Variants in SSUH2 observed in about 807,000 individuals in gnomAD.
The protein encoded by SSUH2 is ssu-2 homolog.
In SSUH2, 47 loss-of-function variants were observed where a neutral mutation model predicts 55.3. The ratio of observed to expected loss-of-function variants is 0.85; its 90% CI spans 0.67 to 1.08. The LOEUF (loss-of-function observed/expected upper bound fraction) is 1.08. Ranked by LOEUF, SSUH2 falls within the 50% of genes least tolerant of loss-of-function variation. The pLI, the probability that SSUH2 is intolerant of heterozygous loss-of-function variation, is 0.00. For missense variants in SSUH2, 535 were observed against 490.7 expected, an observed-to-expected ratio of 1.09 and a Z score of -0.85; for synonymous variants, 212 against 191.5, an observed-to-expected ratio of 1.11 and a Z score of -0.89.
At chr3:8,645,306 G>A (rs1301743412), upstream of SSUH2, among the ~76,000 whole-genome samples, 1 of 152,224 alleles carries the variant, frequency 6.6e-6, no homozygotes, top group Non-Finnish European at 1.5e-5. Flanking sequence ...AAACAAAGCT[G>A]GGATTGTGAG....
intron 1 of SSUH2, among the ~76,000 whole-genome samples, chr3:8,681,100 C>CAT (rs1241407740): frequency 1.0e-5 from 1 of 97,118 alleles, no homozygotes; most frequent in Non-Finnish European, 2.5e-5. Context: ...GAGGCACCCC[C>CAT]GCGAGGCGGG....
chr3:8,652,311 A>G (rs762712865), intron 7 of SSUH2, among the ~76,000 whole-genome samples: 2 of 152,226 alleles, frequency 1.3e-5, no homozygotes, highest in African/African-American at 4.8e-5. Context: ...CTCTGTGATC[A>G]GGAGTAGCCT....
At chr3:8,681,161 AG>A (rs1435990859) in intron 1 of SSUH2, among the ~76,000 whole-genome samples, 22 of 119,690 alleles carry the variant, frequency 1.8e-4, no homozygotes, top group African/African-American at 5.9e-4. Flanking sequence ...CTTCCATAGC[AG>A]GGGGGGGAGT....
chr3:8,624,017 C>A (rs1697006877), intron 10 of SSUH2, among the ~76,000 whole-genome samples: 1 of 152,180 alleles, frequency 6.6e-6, no homozygotes, highest in South Asian at 2.1e-4. Context: ...TGTACACATT[C>A]AAACCGCCCT....
At chr3:8,649,097 G>A (rs907998097), upstream of SSUH2, among the ~76,000 whole-genome samples, 2 of 152,104 alleles carry the variant, frequency 1.3e-5, no homozygotes, top group Non-Finnish European at 2.9e-5. Flanking sequence ...TGACTGCAGC[G>A]CAACTCAACT....
upstream of SSUH2, among the ~76,000 whole-genome samples, chr3:8,647,284 C>A (rs547802586): frequency 2.0e-5 from 3 of 152,238 alleles, no homozygotes; most frequent in African/African-American, 4.8e-5. Context: ...CGCAGGCATG[C>A]GGAGAGCTGG....
intron 11 of SSUH2, 81 bp downstream of exon 11, chr3:8,623,468 C>CG (rs1486252478): frequency 4.5e-6 from 4 of 890,308 alleles, no homozygotes; most frequent in Non-Finnish European, 7.3e-6. Context: ...CTCATCCTTC[C>CG]GCTCCGACGT....
At chr3:8,678,030 C>A (rs425082) in intron 2 of SSUH2, among the ~76,000 whole-genome samples, 1 of 151,790 alleles carries the variant, frequency 6.6e-6, no homozygotes, top group East Asian at 2.0e-4. Context: ...TGCGATATCG[C>A]GTGTCATATC....
At chr3:8,658,008 G>C (rs1240458669) in intron 7 of SSUH2, among the ~76,000 whole-genome samples, 1 of 152,224 alleles carries the variant, frequency 6.6e-6, no homozygotes, top group African/African-American at 2.4e-5. Context: ...TCCCATGTGT[G>C]GGGAGACAGT....
At chr3:8,648,871 C>T (rs1337338882), upstream of SSUH2, among the ~76,000 whole-genome samples, 2 of 152,140 alleles carry the variant, frequency 1.3e-5, no homozygotes, top group East Asian at 3.9e-4. Context: ...GAGACTCTGG[C>T]CTGCCCCCAC....
intron 6 of SSUH2, among the ~76,000 whole-genome samples, chr3:8,661,009 G>A (rs1703426558): frequency 6.6e-6 from 1 of 152,208 alleles, no homozygotes; most frequent in African/African-American, 2.4e-5. Flanking sequence ...AAGGGTAAAG[G>A]GTGACTCTGG....
chr3:8,633,015 T>C (rs1699117373), intron 4 of SSUH2, among the ~76,000 whole-genome samples: 1 of 152,192 alleles, frequency 6.6e-6, no homozygotes, highest in Non-Finnish European at 1.5e-5. Context: ...TTCCAATTTC[T>C]CGTCTGTAAA....
At chr3:8,640,641 A>T (rs375820595) in intron 1 of SSUH2, among the ~76,000 whole-genome samples, 5 of 152,266 alleles carry the variant, frequency 3.3e-5, no homozygotes, top group Admixed American at 6.5e-5. Context: ...AAGGAAAGAG[A>T]CAAGGAGAAC....
At chr3:8,656,206 C>T (rs1702921846) in intron 7 of SSUH2, among the ~76,000 whole-genome samples, 1 of 152,216 alleles carries the variant, frequency 6.6e-6, no homozygotes, top group African/African-American at 2.4e-5. Context: ...AATTGAGAAA[C>T]TTAAACCTCT....
intron 1 of SSUH2, among the ~76,000 whole-genome samples, chr3:8,680,378 C>A (rs1575417314): frequency 1.3e-5 from 2 of 152,028 alleles, no homozygotes; most frequent in Non-Finnish European, 2.9e-5. Context: ...TATTGTGAGT[C>A]ATATCCTCTC....
chr3:8,624,713 T>C (rs1697166319), intron 10 of SSUH2, among the ~76,000 whole-genome samples: 1 of 152,192 alleles, frequency 6.6e-6, no homozygotes, highest in Non-Finnish European at 1.5e-5. Context: ...ATAGACAACC[T>C]GTCAGAAAAT....
intron 1 of SSUH2, among the ~76,000 whole-genome samples, chr3:8,680,360 G>A (rs1489211532): frequency 3.3e-5 from 5 of 152,016 alleles, no homozygotes; most frequent in African/African-American, 9.7e-5. Context: ...CTCACAGACT[G>A]TTTACCATAT....
In SSUH2 at chr3:8,678,909, G is replaced by A. The variant is rs530995359; in HGVS notation, c.-901+796C>T. Among the ~76,000 whole-genome samples the A allele has an allele frequency of 2.8e-4, 31 of 111,862 alleles. 3 individuals carry two copies. The East Asian group carries it at 7.2e-3, about 26-fold the overall frequency. The allele number at this position is 111,862 out of a possible 152,430, so 73.4% of individuals were successfully genotyped here. On this transcript the variant is annotated intron_variant, in intron 2 of 18. Transcript: ENST00000317371. ...ATTGCAAGGGAGGGAGGCACCCCCC[G>A]CCAGGCGGGGACTGAGAGCCAGCCA... is the stretch of plus-strand genomic sequence containing the variant.
intron 4 of SSUH2, among the ~76,000 whole-genome samples, chr3:8,632,426 C>T (rs1698983488): frequency 6.6e-6 from 1 of 152,190 alleles, no homozygotes; most frequent in Non-Finnish European, 1.5e-5. Context: ...AGATGGAGGT[C>T]CCTGGAATCT....
Sources: allele counts gnomAD v4.1 joint callset (sites outside exome capture counted in the v4.1 genomes callset), GRCh38; gene constraint gnomAD v4.1.1; transcripts MANE v1.5; gene names NCBI Gene and HGNC (gene_info 2026-07-23, HGNC 2026-07-21).